CSNK1G1: variants seen among roughly 807,000 people sequenced by gnomAD.
The protein encoded by CSNK1G1 is casein kinase I isoform gamma-1.
CSNK1G1 carries 22 observed loss-of-function variants against 59.6 expected under a neutral mutation model. That is an observed-to-expected ratio of 0.37 (90% CI 0.26 to 0.53). The LOEUF (loss-of-function observed/expected upper bound fraction) is 0.53, where lower values mean the gene tolerates loss of function less well. Ranked by LOEUF, CSNK1G1 falls within the 20% of genes least tolerant of loss-of-function variation. The pLI, the probability that CSNK1G1 is intolerant of heterozygous loss-of-function variation, is 0.89. For missense variants in CSNK1G1, 384 were observed against 519.5 expected (o/e 0.74, Z 2.54); for synonymous variants, 179 against 177.1 (o/e 1.01, Z -0.08).
chr15:64,176,818 C>T lies in CSNK1G1; in HGVS notation c.1214+3530G>A, dbSNP rs1026852027. 9.2e-5 allele frequency among the ~76,000 whole-genome samples: 14 copies of T among 152,142 alleles called. No individual in the cohort carries two copies. The highest frequency in any genetic ancestry group is 2.6e-4 in the Admixed American group (4 of 15,280). On this transcript the variant is annotated intron_variant, in intron 11 of 11. Coordinates refer to ENST00000303052, the MANE Select transcript of CSNK1G1 (RefSeq NM_022048.5). The surrounding 1 kb of genome is among the most constrained non-coding windows in gnomAD (Gnocchi z 5.2). Reference sequence around the variant, plus strand: ...TCTAGAGAGGGAGAAAAGGTTTAAGCGACACTTACTTTATCTTATTAGAAG... The same window carrying T: ...TCTAGAGAGGGAGAAAAGGTTTAAGTGACACTTACTTTATCTTATTAGAAG...
rs1215293386 is a variant in CSNK1G1 at position 64,176,768 on chromosome 15, A to T, written c.1214+3580T>A. ...TTGTGCAAGTCCAACATGCCTGATC[A>T]AAGCAGCTAGCAGTTAGCTCTTCCT... is the stretch of plus-strand genomic sequence containing the variant. On this transcript the variant is annotated intron_variant, in intron 11 of 11. Transcript: ENST00000303052. This position sits in a 1 kb window ranked among gnomAD's most constrained non-coding sequence, Gnocchi z 5.2. Among the ~76,000 whole-genome samples the T allele has an allele frequency of 6.6e-6, 1 of 152,228 alleles. No individual in the cohort carries two copies. The highest frequency in any genetic ancestry group is 2.4e-5 in the African/African-American group (1 of 41,458).
intron 10 of CSNK1G1, among the ~76,000 whole-genome samples, chr15:64,197,614 T>G (rs1835819343): frequency 6.6e-6 from 1 of 152,214 alleles, no homozygotes; most frequent in Admixed American, 6.5e-5. Flanking sequence ...CTGTTTCATT[T>G]GCCCTACTAT....
chr15:64,281,522 TAG>T (rs1894133975), intron 2 of CSNK1G1, among the ~76,000 whole-genome samples: 1 of 152,064 alleles, frequency 6.6e-6, no homozygotes, highest in Admixed American at 6.6e-5. Flanking sequence ...TTAATGAGCA[TAG>T]AGTTTCCAAT....
intron 8 of CSNK1G1, 64 bp downstream of exon 8, chr15:64,204,801 C>T: frequency 1.7e-6 from 2 of 1,203,290 alleles, no homozygotes; most frequent in Non-Finnish European, 1.2e-6. Context: ...CTAGAGATAC[C>T]CAGTCATGGA....
intron 4 of CSNK1G1, among the ~76,000 whole-genome samples, chr15:64,235,842 T>TA (rs1216499321): frequency 6.6e-6 from 1 of 152,160 alleles, no homozygotes. Context: ...CTTAAATACT[T>TA]ACTATGTACA....
At chr15:64,245,982 T>C (rs773612571) in intron 4 of CSNK1G1, among the ~76,000 whole-genome samples, 6 of 152,126 alleles carry the variant, frequency 3.9e-5, no homozygotes, top group Non-Finnish European at 8.8e-5. Context: ...GGTTAATGGG[T>C]ACAAACATAC....
At chr15:64,298,966 G>A (rs985529867) in intron 2 of CSNK1G1, among the ~76,000 whole-genome samples, 1 of 152,156 alleles carries the variant, frequency 6.6e-6, no homozygotes. Context: ...CTTGAACCTG[G>A]GAAGAGGAGG....
chr15:64,252,562 T>C (rs1411893378), intron 3 of CSNK1G1, among the ~76,000 whole-genome samples: 2 of 152,340 alleles, frequency 1.3e-5, no homozygotes, highest in African/African-American at 2.4e-5. Flanking sequence ...TATGTATTTA[T>C]GTATGTATGT....
intron 1 of CSNK1G1, among the ~76,000 whole-genome samples, chr15:64,337,536 T>C (rs567171037): frequency 7.2e-5 from 11 of 152,282 alleles, no homozygotes; most frequent in Admixed American, 7.2e-4. Flanking sequence ...GGTCTCATTA[T>C]GTTGCCTAGG....
chr15:64,188,503 A>T lies in CSNK1G1; in HGVS notation c.1108-8049T>A. 2 of 1,514,326 alleles carry T rather than the reference A, an allele frequency of 1.3e-6. No homozygotes were observed. Among genetic ancestry groups the T allele is most frequent in the Non-Finnish European group, 1.8e-6 (2 of 1,127,548 alleles). 93.8% of individuals were successfully genotyped at this position (1,514,326 alleles called of 1,614,324 possible). On this transcript the variant is annotated intron_variant, in intron 10 of 11. Transcript: ENST00000303052. This position sits in a 1 kb window ranked among gnomAD's most constrained non-coding sequence, Gnocchi z 4.2. ...GATACATTCTGCTTAGGCGTTAGAAAGCATGAGAGCAAGATATGGAAGGAA... is the reference window on the plus strand; with the variant it reads ...GATACATTCTGCTTAGGCGTTAGAATGCATGAGAGCAAGATATGGAAGGAA...
At chr15:64,317,264 T>G (rs1036838744) in intron 1 of CSNK1G1, among the ~76,000 whole-genome samples, 1 of 152,194 alleles carries the variant, frequency 6.6e-6, no homozygotes, top group Non-Finnish European at 1.5e-5. Context: ...AATTTTTCTA[T>G]TTTTAGTAGA....
At position 64,188,574 on chromosome 15, in the gene CSNK1G1, C is replaced by T. The variant is rs775888857; in HGVS notation, c.1108-8120G>A. ...ATAACAAAATCAAGTACATTCGTGT[C>T]CCTGTAGGTTTTTCTTTCGGTTTTG... On this transcript the variant is annotated intron_variant, in intron 10 of 11. Coordinates refer to ENST00000303052, the MANE Select transcript of CSNK1G1 (RefSeq NM_022048.5). This position sits in a 1 kb window ranked among gnomAD's most constrained non-coding sequence, Gnocchi z 4.2. 6 of 945,400 alleles carry T rather than the reference C, an allele frequency of 6.3e-6. No individual in the cohort carries two copies. The highest frequency in any genetic ancestry group is 1.7e-5 in the African/African-American group (1 of 60,602). 58.6% of individuals were successfully genotyped at this position (945,400 alleles called of 1,614,324 possible). A position where few individuals can be genotyped will look rare whatever the true frequency, so the allele number is the denominator to read the frequency against.
chr15:64,286,591 T>C lies in CSNK1G1; in HGVS notation c.181+13728A>G, dbSNP rs1010205916. Among the ~76,000 whole-genome samples the C allele has an allele frequency of 2.0e-5, 3 of 152,116 alleles. 1 individual carries two copies. Among genetic ancestry groups the C allele is most frequent in the Admixed American group, 2.0e-4 (3 of 15,254 alleles). On this transcript the variant is annotated intron_variant, in intron 2 of 11. Transcript: ENST00000303052. ...TTTCTAAGTATGAATCCCCAAATAA[T>C]GATCTTGGCAAAAGCAGGGTCCATG...
At chr15:64,282,895 CT>C (rs1894219877) in intron 2 of CSNK1G1, among the ~76,000 whole-genome samples, 1 of 152,168 alleles carries the variant, frequency 6.6e-6, no homozygotes, top group Non-Finnish European at 1.5e-5. Flanking sequence ...TCCCCAATGG[CT>C]AACAATGTTG....
rs2082315326 is a variant in CSNK1G1, at chr15:64,216,639, G to C, written c.367C>G (p.Pro123Ala). 6.2e-7 allele frequency: 1 copy of C among 1,613,612 alleles called. No individual in the cohort carries two copies. Among genetic ancestry groups the C allele is most frequent in the African/African-American group, 1.3e-5 (1 of 74,828 alleles). The change falls in exon 5 of 12, where the codon CCT (proline) becomes GCT (alanine). Residue 123 changes from proline (P) to alanine (A), a missense_variant. This residue lies in a region of CSNK1G1 where 325 missense variants were observed against 440.9 expected (regional missense o/e 0.74). Transcript: ENST00000303052. This position sits in a 1 kb window ranked among gnomAD's most constrained non-coding sequence, Gnocchi z 4.6. ...YNAMVLELLG[P>A]SLEDLFDLCD... ...AGGTCAAACAAGTCCTCCAAGCTAG[G>C]GCCAAGGAGCTCCAGCACCATGGCA... is the stretch of plus-strand genomic sequence containing the variant.
chr15:64,277,829 A>C (rs868563355), intron 2 of CSNK1G1, among the ~76,000 whole-genome samples: 3 of 134,744 alleles, frequency 2.2e-5, no homozygotes, highest in Non-Finnish European at 4.6e-5. Context: ...TATATTTAAT[A>C]ATAATATTGA....
rs760097484 is a variant in CSNK1G1 at position 64,213,356 on chromosome 15, G to A, written c.679+534C>T. Among the ~76,000 whole-genome samples, 69 of 152,256 alleles carry A rather than the reference G, an allele frequency of 4.5e-4. 1 individual carries two copies. The highest frequency in any genetic ancestry group is 8.2e-4 in the Non-Finnish European group (56 of 68,012). On this transcript the variant is annotated intron_variant, in intron 6 of 11. Coordinates refer to ENST00000303052, the MANE Select transcript of CSNK1G1 (RefSeq NM_022048.5). Reference sequence around the variant, plus strand: ...CAGGTAAGGTCTTCTGCCTTGATTAGAGCATTTAACAATATTTGTGCAGGT... The same window carrying A: ...CAGGTAAGGTCTTCTGCCTTGATTAAAGCATTTAACAATATTTGTGCAGGT...
At chr15:64,283,964 T>C (rs1253028662) in intron 2 of CSNK1G1, among the ~76,000 whole-genome samples, 3 of 152,230 alleles carry the variant, frequency 2.0e-5, no homozygotes, top group Non-Finnish European at 4.4e-5. Flanking sequence ...ACTTTTATAG[T>C]TTTGACTCTT....
rs2140203782 is a variant in CSNK1G1, at chr15:64,176,449, G to C, written c.1214+3899C>G. 6.6e-6 allele frequency among the ~76,000 whole-genome samples: 1 copy of C among 152,346 alleles called. No individual in the cohort carries two copies. Among genetic ancestry groups the C allele is most frequent in the Non-Finnish European group, 1.5e-5 (1 of 68,028 alleles). On this transcript the variant is annotated intron_variant, in intron 11 of 11. Coordinates refer to ENST00000303052, the MANE Select transcript of CSNK1G1 (RefSeq NM_022048.5). This position sits in a 1 kb window ranked among gnomAD's most constrained non-coding sequence, Gnocchi z 5.2. ...TGTCAAGGTAGGCTGAGTAGGCCCA[G>C]GCCACTTGGTCCCCACGTTAAAGTG...
Sources: allele counts gnomAD v4.1 joint callset (sites outside exome capture counted in the v4.1 genomes callset), GRCh38; gene constraint gnomAD v4.1.1; regional missense constraint gnomAD v4.1.1; non-coding constraint Gnocchi (gnomAD v3.1); transcripts MANE v1.5; gene names NCBI Gene and HGNC (gene_info 2026-07-23, HGNC 2026-07-21).